Variants in RBFOX1 observed in about 807,000 individuals in gnomAD.
The protein encoded by RBFOX1 is RNA binding fox-1 homolog 1.
RBFOX1 carries 8 observed loss-of-function variants against 57.7 expected under a neutral mutation model. The ratio of observed to expected loss-of-function variants is 0.14; its 90% confidence interval spans 0.08 to 0.25. The LOEUF is 0.25. RBFOX1 is among the 10% of genes least tolerant of loss of function. The probability of loss-of-function intolerance (pLI) is 1.00; values close to 1 mark genes in which losing one functional copy is unlikely to be tolerated. For missense variants in RBFOX1, 611 were observed against 548.5 expected (o/e 1.11, Z -1.14); for synonymous variants, 326 against 222.4 (o/e 1.47, Z -4.15).
chr16:6,089,078 A>AAAAT (rs1555503294), intron 1 of RBFOX1, among the ~76,000 whole-genome samples: 154 of 137,708 alleles, frequency 1.1e-3, no homozygotes, highest in Admixed American at 3.8e-3. Flanking sequence ...AAAAAAAAAA[A>AAAAT]ATATATATAT....
chr16:5,420,596 C>T (rs1341872025), intron 1 of RBFOX1, among the ~76,000 whole-genome samples: 1 of 151,982 alleles, frequency 6.6e-6, no homozygotes, highest in Non-Finnish European at 1.5e-5. Flanking sequence ...GCAATCTTGA[C>T]CTCCCCAGGC....
chr16:6,492,879 G>C (rs2095665387), intron 2 of RBFOX1, among the ~76,000 whole-genome samples: 1 of 152,172 alleles, frequency 6.6e-6, no homozygotes, highest in African/African-American at 2.4e-5. Context: ...ACATACACAT[G>C]CAATTGTTTT....
intron 1 of RBFOX1, among the ~76,000 whole-genome samples, chr16:6,250,578 CAGG>C (rs2097601339): frequency 6.6e-6 from 1 of 152,146 alleles, no homozygotes; most frequent in Non-Finnish European, 1.5e-5. Context: ...AATTTTCATG[CAGG>C]AGAAGCCTTT....
intron 3 of RBFOX1, among the ~76,000 whole-genome samples, chr16:5,768,354 A>G (rs2053859189): frequency 6.6e-6 from 1 of 152,166 alleles, no homozygotes; most frequent in Non-Finnish European, 1.5e-5. Flanking sequence ...GAAATGTTAG[A>G]GTCCTACGGC....
chr16:7,544,801 T>G (rs1323605231), intron 5 of RBFOX1, among the ~76,000 whole-genome samples: 4 of 152,144 alleles, frequency 2.6e-5, no homozygotes, highest in Non-Finnish European at 2.9e-5. Flanking sequence ...TGTTGTTGTT[T>G]TTGTTTTTGT....
chr16:7,540,916 C>G (rs2082744759), intron 5 of RBFOX1, among the ~76,000 whole-genome samples: 1 of 152,204 alleles, frequency 6.6e-6, no homozygotes. Flanking sequence ...CCATTTACCA[C>G]TAAAACCTGT....
At chr16:5,937,350 C>A (rs7185467) in intron 4 of RBFOX1, among the ~76,000 whole-genome samples, 51,596 of 151,976 alleles carry the variant, frequency 0.34, 8,948 homozygotes, top group Middle Eastern at 0.56. Flanking sequence ...GAACTGAAGA[C>A]CTCTACCTGC....
intron 2 of RBFOX1, among the ~76,000 whole-genome samples, chr16:6,417,874 G>C (rs1409038238): frequency 2.0e-5 from 3 of 151,832 alleles, no homozygotes; most frequent in Non-Finnish European, 4.4e-5. Flanking sequence ...TTAACCTAAA[G>C]AAAGCAAAAG....
chr16:7,146,557 C>T (rs1456657613), intron 4 of RBFOX1, among the ~76,000 whole-genome samples: 1 of 152,110 alleles, frequency 6.6e-6, no homozygotes, highest in Non-Finnish European at 1.5e-5. Context: ...TTCAGGTCTT[C>T]TTGGGTTTCT....
intron 2 of RBFOX1, among the ~76,000 whole-genome samples, chr16:6,446,201 G>T (rs1217544600): frequency 6.6e-6 from 1 of 152,038 alleles, no homozygotes; most frequent in Non-Finnish European, 1.5e-5. Flanking sequence ...CCAGGGTCTT[G>T]TCATGTTGCC....
At chr16:5,438,040 CA>C (rs1469967265) in intron 1 of RBFOX1, among the ~76,000 whole-genome samples, 1 of 152,150 alleles carries the variant, frequency 6.6e-6, no homozygotes, top group Non-Finnish European at 1.5e-5. Context: ...AAAATAAATG[CA>C]AAAGCTGAAT....
chr16:5,716,013 A>C (rs1220658633), intron 3 of RBFOX1, among the ~76,000 whole-genome samples: 1 of 152,158 alleles, frequency 6.6e-6, no homozygotes, highest in African/African-American at 2.4e-5. Flanking sequence ...AAAACTCATG[A>C]AGTGGGCAAG....
chr16:5,661,888 C>G (rs930653554), intron 3 of RBFOX1, among the ~76,000 whole-genome samples: 1 of 151,984 alleles, frequency 6.6e-6, no homozygotes, highest in African/African-American at 2.4e-5. Context: ...TGGGGTCAAG[C>G]GATTCTCCTG....
intron 3 of RBFOX1, among the ~76,000 whole-genome samples, chr16:6,968,374 C>G (rs987418794): frequency 6.6e-6 from 1 of 152,168 alleles, no homozygotes; most frequent in African/African-American, 2.4e-5. Context: ...CTTATTTTTC[C>G]TCCTTCATCA....
chr16:5,879,391 G>A (rs2057704018), intron 4 of RBFOX1, among the ~76,000 whole-genome samples: 1 of 152,176 alleles, frequency 6.6e-6, no homozygotes, highest in Non-Finnish European at 1.5e-5. Flanking sequence ...CTGAATTCTA[G>A]GCATGTCTCA....
intron 4 of RBFOX1, among the ~76,000 whole-genome samples, chr16:7,150,869 A>G (rs1001081389): frequency 2.6e-5 from 4 of 152,226 alleles, no homozygotes; most frequent in African/African-American, 7.2e-5. Flanking sequence ...TGCTTACACC[A>G]CATTATAATT....
intron 5 of RBFOX1, among the ~76,000 whole-genome samples, chr16:7,571,543 T>G (rs939958938): frequency 6.6e-6 from 1 of 152,196 alleles, no homozygotes; most frequent in African/African-American, 2.4e-5. Flanking sequence ...TTCAGGAGAT[T>G]AAAGTGCCAG....
chr16:5,836,555 A>G (rs1049186156), intron 3 of RBFOX1, among the ~76,000 whole-genome samples: 2 of 152,160 alleles, frequency 1.3e-5, no homozygotes, highest in African/African-American at 4.8e-5. Flanking sequence ...TTCATCCCCA[A>G]GTCCTGCCAG....
intron 1 of RBFOX1, among the ~76,000 whole-genome samples, chr16:5,457,398 G>C (rs543898126): frequency 2.0e-5 from 3 of 152,320 alleles, no homozygotes; most frequent in South Asian, 4.1e-4. Context: ...GCCTGTCAAA[G>C]TGCTGGGATT....
Sources: gnomAD v4.1 joint callset for allele counts (sites outside exome capture counted in the v4.1 genomes callset) on GRCh38, gnomAD v4.1.1 for gene constraint, MANE v1.5 for transcripts, NCBI Gene and HGNC (gene_info 2026-07-23, HGNC 2026-07-21) for gene names.